HOOK3: variants seen among roughly 807,000 people sequenced by gnomAD.
HOOK3 encodes the protein protein Hook homolog 3.
HOOK3 carries 24 observed loss-of-function variants against 116.3 expected under a neutral mutation model. The ratio of observed to expected loss-of-function variants is 0.21; its 90% CI spans 0.15 to 0.29. The LOEUF (loss-of-function observed/expected upper bound fraction) is 0.29. Among genes scored for constraint, HOOK3 ranks in the 10% least tolerant of loss-of-function variants. The pLI, the probability that HOOK3 is intolerant of heterozygous loss-of-function variation, is 1.00. For synonymous variants in HOOK3, 275 were observed against 283.0 expected, an observed-to-expected ratio of 0.97 and a Z score of 0.28; for missense variants, 632 against 830.2, an observed-to-expected ratio of 0.76 and a Z score of 2.93.
chr8:43,000,079 C>T (rs563326898), intron 16 of HOOK3, among the ~76,000 whole-genome samples: 13 of 152,254 alleles, frequency 8.5e-5, no homozygotes, highest in Admixed American at 2.0e-4. Context: ...ACCTGGGTGG[C>T]GGAGCTTGCA....
At chr8:42,970,291 T>A (rs1313994778) in intron 11 of HOOK3, among the ~76,000 whole-genome samples, 2 of 152,356 alleles carry the variant, frequency 1.3e-5, no homozygotes, top group South Asian at 2.1e-4. Flanking sequence ...TTGGTATATT[T>A]ATCTCTTCCT....
At chr8:42,996,102 T>C (rs1010150331) in intron 15 of HOOK3, among the ~76,000 whole-genome samples, 1 of 152,036 alleles carries the variant, frequency 6.6e-6, no homozygotes, top group Non-Finnish European at 1.5e-5. Flanking sequence ...AGTCAAGCCA[T>C]GGGCCAGGCG....
chr8:42,936,762 C>G (rs1175877272), intron 4 of HOOK3, among the ~76,000 whole-genome samples: 1 of 152,126 alleles, frequency 6.6e-6, no homozygotes, highest in Non-Finnish European at 1.5e-5. Flanking sequence ...GGTGGATAAG[C>G]TTTTTGATGT....
intron 3 of HOOK3, among the ~76,000 whole-genome samples, chr8:42,927,244 G>GGTTTTTTTTTTT (rs1554509868): frequency 1.4e-5 from 2 of 145,964 alleles, no homozygotes; most frequent in African/African-American, 5.1e-5. Flanking sequence ...TAATGGCACT[G>GGTTTTTTTTTTT]GTTTTTTTTT....
At chr8:42,904,620 A>G (rs949780142) in intron 1 of HOOK3, among the ~76,000 whole-genome samples, 4 of 152,050 alleles carry the variant, frequency 2.6e-5, no homozygotes, top group African/African-American at 9.7e-5. Flanking sequence ...CAGATCTTAT[A>G]TTAATACAAT....
intron 16 of HOOK3, among the ~76,000 whole-genome samples, chr8:43,001,690 T>C (rs1438241673): frequency 6.6e-6 from 1 of 152,160 alleles, no homozygotes; most frequent in Admixed American, 6.6e-5. Flanking sequence ...GTCAGACATA[T>C]TTATAGAAGC....
intron 11 of HOOK3, among the ~76,000 whole-genome samples, chr8:42,968,736 A>G (rs1474534887): frequency 6.6e-6 from 1 of 152,168 alleles, no homozygotes; most frequent in African/African-American, 2.4e-5. Context: ...TTAGTTAGTT[A>G]TTTATTAGGT....
At chr8:42,921,341 G>A (rs930388915) in intron 2 of HOOK3, among the ~76,000 whole-genome samples, 6 of 152,038 alleles carry the variant, frequency 3.9e-5, no homozygotes, top group African/African-American at 1.4e-4. Flanking sequence ...TAGTTGGAAA[G>A]CAATACTTGA....
intron 2 of HOOK3, among the ~76,000 whole-genome samples, chr8:42,912,000 T>G (rs1398746795): frequency 6.6e-6 from 1 of 152,220 alleles, no homozygotes; most frequent in Non-Finnish European, 1.5e-5. Context: ...AAGTGTGGAT[T>G]AAATCACTTT....
intron 4 of HOOK3, among the ~76,000 whole-genome samples, chr8:42,939,390 G>A (rs1158207782): frequency 2.0e-5 from 3 of 149,238 alleles, no homozygotes; most frequent in Admixed American, 6.6e-5. Context: ...CTGGCCGGGC[G>A]GGGGGCTGAC....
rs1395494478 is a variant in HOOK3 at position 42,930,141 on chromosome 8, T to C, written c.236T>C (p.Ile79Thr). The change falls in exon 4 of 22, where the codon ATT becomes ACT. Residue 79 changes from isoleucine to threonine, a missense_variant. Transcript: ENST00000307602. ...WRLKISNLKK[I>T]LKGILDYNHE... Reference sequence around the variant, plus strand: ...AAACAGATAAGCAATTTAAAGAAAATTTTAAAAGGAATCTTGGATTATAAT... The same window carrying C: ...AAACAGATAAGCAATTTAAAGAAAACTTTAAAAGGAATCTTGGATTATAAT... 6.4e-7 allele frequency: 1 copy of C among 1,552,472 alleles called. No individual in the cohort carries two copies.
chr8:42,928,760 G>T (rs933322619), intron 3 of HOOK3, among the ~76,000 whole-genome samples: 1 of 152,044 alleles, frequency 6.6e-6, no homozygotes, highest in African/African-American at 2.4e-5. Flanking sequence ...CAAGATATAC[G>T]ACCGGGCACA....
At chr8:42,912,235 T>C (rs1223701985) in intron 2 of HOOK3, among the ~76,000 whole-genome samples, 5 of 152,200 alleles carry the variant, frequency 3.3e-5, no homozygotes, top group Non-Finnish European at 7.4e-5. Context: ...TTAGGAGAAA[T>C]TTGAAATGTG....
chr8:42,966,092 A>G (rs1331241618), intron 9 of HOOK3, among the ~76,000 whole-genome samples: 1 of 152,206 alleles, frequency 6.6e-6, no homozygotes, highest in Non-Finnish European at 1.5e-5. Flanking sequence ...GTTTTAGAAA[A>G]TAGTTATTTT....
intron 15 of HOOK3, among the ~76,000 whole-genome samples, chr8:42,991,637 G>A (rs1766482129): frequency 6.6e-6 from 1 of 152,032 alleles, no homozygotes; most frequent in African/African-American, 2.4e-5. Flanking sequence ...CCTGACCTCA[G>A]GTGATCCACC....
At chr8:42,961,352 CAT>C (rs1181816730) in intron 8 of HOOK3, among the ~76,000 whole-genome samples, 16 of 152,210 alleles carry the variant, frequency 1.1e-4, no homozygotes, top group Non-Finnish European at 1.8e-4. Flanking sequence ...ATATATAACA[CAT>C]GAGTAAGAAC....
chr8:42,970,681 G>A (rs551396960), intron 11 of HOOK3, among the ~76,000 whole-genome samples: 1 of 150,654 alleles, frequency 6.6e-6, no homozygotes, highest in Admixed American at 6.6e-5. Flanking sequence ...ACTTTTATAT[G>A]TTGATTCTGC....
At chr8:42,932,406 T>C (rs1272474853) in intron 4 of HOOK3, among the ~76,000 whole-genome samples, 1 of 152,170 alleles carries the variant, frequency 6.6e-6, no homozygotes, top group Non-Finnish European at 1.5e-5. Context: ...ATGTATGGCA[T>C]TGAAGATAGT....
intron 2 of HOOK3, among the ~76,000 whole-genome samples, chr8:42,911,885 G>T (rs149948667): frequency 6.6e-6 from 1 of 152,186 alleles, no homozygotes. Flanking sequence ...CATCAAATCC[G>T]AGTGGTATTG....
Sources: allele counts gnomAD v4.1 joint callset (sites outside exome capture counted in the v4.1 genomes callset), GRCh38; gene constraint gnomAD v4.1.1; transcripts MANE v1.5; gene names NCBI Gene and HGNC (gene_info 2026-07-23, HGNC 2026-07-21).